DIS3L2: variants seen among roughly 807,000 people sequenced by gnomAD.
The protein encoded by DIS3L2 is DIS3-like exonuclease 2.
A neutral mutation model predicts 97.5 loss-of-function variants in DIS3L2; 34 were observed. The observed-to-expected ratio is 0.35, with a 90% confidence interval of 0.27 to 0.46. The LOEUF (loss-of-function observed/expected upper bound fraction) is 0.46. DIS3L2 is among the 20% of genes least tolerant of loss of function. The pLI is 1.00. For synonymous variants in DIS3L2, 435 were observed against 445.2 expected, an observed-to-expected ratio of 0.98 and a Z score of 0.29; for missense variants, 1,038 against 1,146.0, an observed-to-expected ratio of 0.91 and a Z score of 1.36.
chr2:232,027,796 A>G (rs924802646), intron 4 of DIS3L2, among the ~76,000 whole-genome samples: 5 of 152,172 alleles, frequency 3.3e-5, no homozygotes, highest in African/African-American at 9.7e-5. Context: ...TGTACTTGCT[A>G]GTTTTGTGAG....
At chr2:232,057,429 G>A (rs1695574631) in intron 5 of DIS3L2, among the ~76,000 whole-genome samples, 1 of 152,138 alleles carries the variant, frequency 6.6e-6, no homozygotes, top group Non-Finnish European at 1.5e-5. Context: ...TGTTATTGAA[G>A]TCCCTAATCA....
chr2:232,158,639 C>T (rs1012222465), intron 8 of DIS3L2, among the ~76,000 whole-genome samples: 4 of 152,096 alleles, frequency 2.6e-5, no homozygotes, highest in African/African-American at 9.7e-5. Context: ...TTTCTGTGAG[C>T]CCTTTGATAT....
At position 232,130,758 on chromosome 2, in the gene DIS3L2, T is replaced by G. The variant is rs75968600; in HGVS notation, c.702+39T>G. 4,563 of 1,609,736 alleles carry G rather than the reference T, an allele frequency of 2.8e-3. 4 individuals are homozygous for G. Among genetic ancestry groups the G allele is most frequent in the Non-Finnish European group, 3.2e-3 (3,727 of 1,177,976 alleles). The stretch of plus-strand genomic sequence containing the variant: ...GATTTTCTCCACGTGTCCAAATGGC[T>G]TTCACCTGAGCTACTTGTTGAAGAT... On this transcript the variant is annotated intron_variant, in intron 7 of 20. Coordinates refer to ENST00000325385, the MANE Select transcript of DIS3L2 (RefSeq NM_152383.5).
At chr2:232,212,250 C>A in intron 10 of DIS3L2, among the ~76,000 whole-genome samples, 1 of 152,228 alleles carries the variant, frequency 6.6e-6, no homozygotes, top group East Asian at 1.9e-4. Flanking sequence ...TGGAAAGTGC[C>A]CCTAGGCTGA....
At chr2:232,098,355 A>AAT (rs1553607130) in intron 6 of DIS3L2, among the ~76,000 whole-genome samples, 4 of 138,678 alleles carry the variant, frequency 2.9e-5, no homozygotes, top group African/African-American at 1.1e-4. Flanking sequence ...GAGGTTTCTA[A>AAT]TTTTTTTTTT....
intron 5 of DIS3L2, among the ~76,000 whole-genome samples, chr2:232,061,262 ACT>A (rs1157227813): frequency 6.6e-6 from 1 of 151,692 alleles, no homozygotes; most frequent in African/African-American, 2.4e-5. Context: ...CTCTAAAGAG[ACT>A]CTTTTGTCTC....
chr2:232,006,770 AAG>A (rs1305557078), intron 1 of DIS3L2, among the ~76,000 whole-genome samples: 4 of 152,186 alleles, frequency 2.6e-5, no homozygotes, highest in Non-Finnish European at 5.9e-5. Flanking sequence ...TAGAGAGAGA[AAG>A]AGAAGAACCA....
intron 13 of DIS3L2, among the ~76,000 whole-genome samples, chr2:232,296,228 T>C (rs1289206873): frequency 6.6e-6 from 1 of 152,228 alleles, no homozygotes; most frequent in Admixed American, 6.5e-5. Flanking sequence ...CTTCCCTCTC[T>C]CACTGACTTT....
chr2:232,183,382 A>G (rs1691344797), intron 9 of DIS3L2, among the ~76,000 whole-genome samples: 2 of 152,320 alleles, frequency 1.3e-5, no homozygotes, highest in South Asian at 4.1e-4. Context: ...ATATTTGAAA[A>G]CAGTAAGTCT....
chr2:231,974,540 C>CTTTTTTTTTTTTTTTTTTT (rs35535304), intron 1 of DIS3L2, among the ~76,000 whole-genome samples: 1 of 131,200 alleles, frequency 7.6e-6, no homozygotes. Flanking sequence ...TAATTTGGAT[C>CTTTTTTTTTTTTTTTTTTT]TTTTTTTTTT....
rs551553003 is a variant in DIS3L2 at position 232,294,078 on chromosome 2, G to C, written c.1660-5962G>C. Reference sequence around the variant, plus strand: ...ATTTGGCTCCCTTCTCAGGCTGGTGGCAAGCTGGTTGCAGCAGTTCTGGCC... The same window carrying C: ...ATTTGGCTCCCTTCTCAGGCTGGTGCCAAGCTGGTTGCAGCAGTTCTGGCC... On this transcript the variant is annotated intron_variant, in intron 13 of 20. Transcript: ENST00000325385. Among the ~76,000 whole-genome samples, 3 of 152,322 alleles carry C rather than the reference G, an allele frequency of 2.0e-5. No homozygotes were observed. The East Asian group carries it at 5.8e-4, about 29-fold the overall frequency.
At chr2:231,991,090 A>G (rs553910730) in intron 1 of DIS3L2, among the ~76,000 whole-genome samples, 5 of 151,368 alleles carry the variant, frequency 3.3e-5, no homozygotes, top group African/African-American at 9.7e-5. Context: ...ATTTTTTTGT[A>G]GAGATGGGGT....
At chr2:232,267,569 G>C (rs940935837) in intron 13 of DIS3L2, among the ~76,000 whole-genome samples, 43 of 152,260 alleles carry the variant, frequency 2.8e-4, no homozygotes, top group African/African-American at 1.0e-3. Context: ...TTTCTGAAAA[G>C]GGAGCTCCCA....
At position 232,019,284 on chromosome 2, in the gene DIS3L2, GC is replaced by G. The variant is rs1203452935; in HGVS notation, c.210+3614del. On this transcript the variant is annotated intron_variant, in intron 3 of 20. Transcript: ENST00000325385. ...GAGTGAAATCAAGCAGGGTGTGGTGGCTCACGCCTGTAATCCCAGCACTTTA... is the reference window on the plus strand; with the variant it reads ...GAGTGAAATCAAGCAGGGTGTGGTGGTCACGCCTGTAATCCCAGCACTTTA... Among the ~76,000 whole-genome samples the G allele has an allele frequency of 2.0e-5, 3 of 152,298 alleles. No homozygotes were observed. In the East Asian group the frequency reaches 5.8e-4, roughly 29 times the overall value.
chr2:232,336,168 A>G (rs1417675267), intron 20 of DIS3L2: 2 of 1,532,484 alleles, frequency 1.3e-6, no homozygotes, highest in Admixed American at 2.0e-5. Context: ...GATGAAAGCT[A>G]TGAGTTTACA....
chr2:232,077,955 CTCTTTCTTTCTT>C (rs538146324), intron 5 of DIS3L2, among the ~76,000 whole-genome samples: 7,464 of 108,638 alleles, frequency 0.069, 264 homozygotes, highest in African/African-American at 0.077. Flanking sequence ...TTCTTTCTTT[CTCTTTCTTTCTT>C]TCTTTCTTTC....
At chr2:232,332,485 C>T (rs148306911) in intron 16 of DIS3L2, among the ~76,000 whole-genome samples, 4 of 151,472 alleles carry the variant, frequency 2.6e-5, no homozygotes, top group Admixed American at 6.6e-5. Context: ...TGGACCTCTG[C>T]GAGGAACCCG....
chr2:232,006,156 C>T (rs986244914), intron 1 of DIS3L2, among the ~76,000 whole-genome samples: 3 of 151,994 alleles, frequency 2.0e-5, no homozygotes, highest in African/African-American at 7.2e-5. Flanking sequence ...CACTGCACTC[C>T]AGCTTGGGCG....
chr2:232,019,346 G>A (rs1035076046), intron 3 of DIS3L2, among the ~76,000 whole-genome samples: 2 of 152,098 alleles, frequency 1.3e-5, no homozygotes, highest in Admixed American at 1.3e-4. Context: ...GAGGCCAGAA[G>A]TTTAAGACCA....
Sources: gnomAD v4.1 joint callset for allele counts (sites outside exome capture counted in the v4.1 genomes callset) on GRCh38, gnomAD v4.1.1 for gene constraint, MANE v1.5 for transcripts, NCBI Gene and HGNC (gene_info 2026-07-23, HGNC 2026-07-21) for gene names.